CMYA5: variants seen among roughly 807,000 people sequenced by gnomAD.
CMYA5 encodes the protein cardiomyopathy-associated protein 5.
In CMYA5, 246 loss-of-function variants were observed where a neutral mutation model predicts 318.9. The observed-to-expected ratio is 0.77, with a 90% CI of 0.70 to 0.86. CMYA5 has a LOEUF of 0.86. CMYA5 is among the 40% of genes least tolerant of loss of function. The probability of loss-of-function intolerance (pLI) is 0.00; values close to 1 mark genes in which losing one functional copy is unlikely to be tolerated. For missense variants in CMYA5, 4,589 were observed against 4,678.2 expected (o/e 0.98, Z 0.56); for synonymous variants, 1,641 against 1,729.5 (o/e 0.95, Z 1.27).
At position 79,699,176 on chromosome 5, in the gene CMYA5, C is replaced by A. The variant is rs566986298; in HGVS notation, c.149+9120C>A. Among the ~76,000 whole-genome samples the A allele has an allele frequency of 5.5e-3, 830 of 151,702 alleles. 5 individuals carry two copies. The highest frequency in any genetic ancestry group is 0.018 in the African/African-American group (747 of 41,380). The stretch of plus-strand genomic sequence containing the variant: ...CTGTCTCAAACAACAACAACAACAA[C>A]AAAAAAAGAAAAGAAAAAGAGAAAA... On this transcript the variant is annotated intron_variant, in intron 1 of 12. Coordinates refer to ENST00000446378, the MANE Select transcript of CMYA5 (RefSeq NM_153610.5).
intron 2 of CMYA5, among the ~76,000 whole-genome samples, chr5:79,742,141 T>C (rs533273374): frequency 1.1e-4 from 16 of 146,132 alleles, no homozygotes; most frequent in East Asian, 4.3e-4. Context: ...CCTCCCCTTC[T>C]TCCTCCCCCT....
Position 79,737,476 on chromosome 5 carries a change from CT to C in CMYA5, c.8712del (p.Asp2905IlefsTer25). On this transcript the variant is annotated frameshift_variant, in exon 2 of 13. Transcript: ENST00000446378. LOFTEE classifies it high-confidence loss of function. The part of the protein sequence containing the change: ...QFISNTSASN[A>X]DKMVSNKEMP... ...ATATCTAATACATCAGCAAGCAATG[CT>C]GATAAAATGGTTTCTAATAAAGAAA... is the stretch of plus-strand genomic sequence containing the variant. The C allele has an allele frequency of 6.2e-7, 1 of 1,613,762 alleles. No homozygotes were observed. Among genetic ancestry groups the C allele is most frequent in the Non-Finnish European group, 8.5e-7 (1 of 1,179,816 alleles).
At position 79,791,148 on chromosome 5, in the gene CMYA5, C is replaced by T. The variant is rs769411425; in HGVS notation, c.11789+79C>T. The T allele has an allele frequency of 4.0e-4, 350 of 880,164 alleles. 2 individuals are homozygous for T. The highest frequency in any genetic ancestry group is 8.1e-4 in the Admixed American group (41 of 50,342). 54.5% of individuals were successfully genotyped at this position (880,164 alleles called of 1,614,324 possible). ...GGGTGTGTCGCCTCAGGGTGGCCTC[C>T]GCTGAGCATATTCATGGTGCAGTGA... On this transcript the variant is annotated intron_variant, in intron 11 of 12. Coordinates refer to ENST00000446378, the MANE Select transcript of CMYA5 (RefSeq NM_153610.5).
chr5:79,721,882 A>G (rs1827645473), intron 1 of CMYA5, among the ~76,000 whole-genome samples: 1 of 152,236 alleles, frequency 6.6e-6, no homozygotes, highest in Non-Finnish European at 1.5e-5. Flanking sequence ...GTGTTAGAAA[A>G]TGTTAACACA....
At chr5:79,756,758 T>C (rs1433640094) in intron 6 of CMYA5, among the ~76,000 whole-genome samples, 1 of 152,238 alleles carries the variant, frequency 6.6e-6, no homozygotes, top group African/African-American at 2.4e-5. Flanking sequence ...GCTGAACTGA[T>C]CTTTATTTTT....
intron 1 of CMYA5, among the ~76,000 whole-genome samples, chr5:79,722,344 CAT>C (rs1827656019): frequency 1.3e-5 from 2 of 152,204 alleles, no homozygotes; most frequent in African/African-American, 4.8e-5. Flanking sequence ...CTTGACTTCA[CAT>C]GTTAGAAAAA....
chr5:79,715,495 G>T (rs907524146), intron 1 of CMYA5, among the ~76,000 whole-genome samples: 2 of 151,974 alleles, frequency 1.3e-5, no homozygotes, highest in African/African-American at 4.8e-5. Flanking sequence ...CACTGTGTTA[G>T]CCAGGATGGT....
chr5:79,698,459 CCT>C (rs1827115404), intron 1 of CMYA5, among the ~76,000 whole-genome samples: 1 of 152,162 alleles, frequency 6.6e-6, no homozygotes, highest in Non-Finnish European at 1.5e-5. Flanking sequence ...CTGACTGGCC[CCT>C]GTCTACCTCT....
rs751513243 is a variant in CMYA5 at position 79,735,393 on chromosome 5, G to T, written c.6628G>T (p.Val2210Leu). ...EDLETQPSPS[V>L]EKAVTVIDPE... Reference sequence around the variant, plus strand: ...CTTAGAAACACAGCCAAGTCCATCCGTAGAAAAAGCAGTGACTGTGATAGA... The same window carrying T: ...CTTAGAAACACAGCCAAGTCCATCCTTAGAAAAAGCAGTGACTGTGATAGA... The change falls in exon 2 of 13, where the codon GTA (valine) becomes TTA (leucine). Residue 2210 changes from valine (V) to leucine (L), a missense_variant. Around this residue, in one of 3 missense-constraint regions of CMYA5, gnomAD observed 2,431 missense variants for 2,495.1 expected, o/e 0.97. Coordinates refer to ENST00000446378, the MANE Select transcript of CMYA5 (RefSeq NM_153610.5). The T allele has an allele frequency of 3.7e-6, 6 of 1,613,826 alleles. No individual in the cohort carries two copies. Among genetic ancestry groups the T allele is most frequent in the Non-Finnish European group, 5.1e-6 (6 of 1,179,798 alleles).
intron 1 of CMYA5, among the ~76,000 whole-genome samples, chr5:79,728,249 G>A (rs947320009): frequency 6.6e-6 from 1 of 152,120 alleles, no homozygotes; most frequent in Non-Finnish European, 1.5e-5. Context: ...TTACCTGTAG[G>A]GGTAGGGTGC....
intron 1 of CMYA5, among the ~76,000 whole-genome samples, chr5:79,695,283 C>T (rs1827046070): frequency 6.6e-6 from 1 of 151,988 alleles, no homozygotes. Flanking sequence ...ATAAGGTGAG[C>T]CACATATTTA....
At chr5:79,764,914 A>G (rs1345235676) in intron 9 of CMYA5, among the ~76,000 whole-genome samples, 1 of 152,142 alleles carries the variant, frequency 6.6e-6, no homozygotes, top group Non-Finnish European at 1.5e-5. Context: ...ATAGATTGCA[A>G]AAATTTTCTC....
rs34755034 is a variant in CMYA5, at chr5:79,724,155, T to TA, written c.150-4748dup. ...CAACATGGTGATACCCCATCTCTGC[T>TA]AAAAAAAAAAAATACAAAATTAGCC... On this transcript the variant is annotated intron_variant, in intron 1 of 12. Coordinates refer to ENST00000446378, the MANE Select transcript of CMYA5 (RefSeq NM_153610.5). Among the ~76,000 whole-genome samples, 891 of 145,120 alleles carry TA rather than the reference T, an allele frequency of 6.1e-3. 7 individuals are homozygous for TA. Among genetic ancestry groups the TA allele is most frequent in the Middle Eastern group, 0.035 (10 of 282 alleles).
intron 1 of CMYA5, among the ~76,000 whole-genome samples, chr5:79,723,455 A>G (rs964267191): frequency 2.0e-5 from 3 of 150,714 alleles, no homozygotes; most frequent in South Asian, 2.1e-4. Flanking sequence ...AAAAAAAAAA[A>G]AAAAGAAAAG....
At chr5:79,721,959 A>AT (rs1252175996) in intron 1 of CMYA5, among the ~76,000 whole-genome samples, 2 of 152,246 alleles carry the variant, frequency 1.3e-5, no homozygotes. Context: ...GAATAACACA[A>AT]TAAATAAGCC....
chr5:79,742,127 T>C (rs899570288), intron 2 of CMYA5, among the ~76,000 whole-genome samples: 1 of 147,058 alleles, frequency 6.8e-6, no homozygotes, highest in Non-Finnish European at 1.5e-5. Context: ...TTCTTCTTCC[T>C]CCTCCTCCCC....
At chr5:79,788,854 G>A (rs1298424181) in intron 9 of CMYA5, 117 bp from the exon 10 acceptor site, 41 of 1,047,068 alleles carry the variant, frequency 3.9e-5, no homozygotes, top group Non-Finnish European at 5.0e-5. Flanking sequence ...TCATAAAAGG[G>A]GAAGAAAATA....
At chr5:79,747,346 T>C (rs1828348731) in intron 5 of CMYA5, among the ~76,000 whole-genome samples, 1 of 152,248 alleles carries the variant, frequency 6.6e-6, no homozygotes, top group Non-Finnish European at 1.5e-5. Flanking sequence ...AACTGCTTCC[T>C]CAAGATGTAT....
intron 10 of CMYA5, among the ~76,000 whole-genome samples, chr5:79,790,274 A>AT (rs35889022): frequency 0.24 from 34,733 of 146,250 alleles, 4,209 homozygotes; most frequent in Non-Finnish European, 0.3. Context: ...TGCATCCCCC[A>AT]TTTTTTTTTT....
Sources: allele counts gnomAD v4.1 joint callset (sites outside exome capture counted in the v4.1 genomes callset), GRCh38; gene constraint gnomAD v4.1.1; regional missense constraint gnomAD v4.1.1; transcripts MANE v1.5; gene names NCBI Gene and HGNC (gene_info 2026-07-23, HGNC 2026-07-21).